NOS1AP: variants seen among roughly 807,000 people sequenced by gnomAD.
NOS1AP encodes the protein carboxyl-terminal PDZ ligand of neuronal nitric oxide synthase protein.
In NOS1AP, 21 loss-of-function variants were observed where a neutral mutation model predicts 56.2. That is an observed-to-expected ratio of 0.37 (90% CI 0.26 to 0.54). NOS1AP has a LOEUF of 0.54. Among genes scored for constraint, NOS1AP ranks in the 20% least tolerant of loss-of-function variants. The pLI is 0.84. For missense variants in NOS1AP, 522 were observed against 657.8 expected (o/e 0.79, Z 2.26); for synonymous variants, 270 against 274.6 (o/e 0.98, Z 0.17).
chr1:162,210,035 A>G (rs751561397), intron 2 of NOS1AP, among the ~76,000 whole-genome samples: 1 of 152,130 alleles, frequency 6.6e-6, no homozygotes, highest in Non-Finnish European at 1.5e-5. Flanking sequence ...AAAAATGTAT[A>G]TATTTTTGTT....
chr1:162,314,187 C>G (rs546271773), intron 4 of NOS1AP, among the ~76,000 whole-genome samples: 1 of 152,320 alleles, frequency 6.6e-6, no homozygotes, highest in Non-Finnish European at 1.5e-5. Flanking sequence ...AGGGTTATCA[C>G]AGCCCCCAGG....
intron 1 of NOS1AP, among the ~76,000 whole-genome samples, chr1:162,096,432 T>G (rs1436927673): frequency 2.6e-5 from 4 of 152,196 alleles, no homozygotes; most frequent in Non-Finnish European, 5.9e-5. Flanking sequence ...TTACAAAATA[T>G]TTCAGGCATA....
chr1:162,243,231 G>A (rs549724193), intron 2 of NOS1AP, among the ~76,000 whole-genome samples: 3 of 152,226 alleles, frequency 2.0e-5, no homozygotes, highest in East Asian at 1.9e-4. Flanking sequence ...GTGTAATGGC[G>A]GCAGCTGGAA....
At chr1:162,171,213 T>C (rs1166902808) in intron 2 of NOS1AP, among the ~76,000 whole-genome samples, 1 of 152,174 alleles carries the variant, frequency 6.6e-6, no homozygotes, top group Admixed American at 6.5e-5. Context: ...ATCAAGATCC[T>C]CATGCTCCTT....
At chr1:162,198,359 T>C (rs1651876173) in intron 2 of NOS1AP, among the ~76,000 whole-genome samples, 1 of 152,204 alleles carries the variant, frequency 6.6e-6, no homozygotes, top group African/African-American at 2.4e-5. Flanking sequence ...AGTCTGACTT[T>C]TTGTGATCTT....
Position 162,367,452 on chromosome 1 carries a change from T to C in NOS1AP, c.1506T>C (p.Asp502=), listed in dbSNP as rs754957943. The change falls in exon 10 of 10, where the codon GAT becomes GAC. Residue 502 remains aspartate (D), a synonymous_variant. Coordinates refer to ENST00000361897, the MANE Select transcript of NOS1AP (RefSeq NM_014697.3). The surrounding 1 kb of genome is among the most constrained non-coding windows in gnomAD (Gnocchi z 6.5). ...AGGAACTGGGCGACGGCCTGGATGA[T>C]GAGATCGCCGTGTAGGTGCCGAGGG... The part of the protein sequence containing the change: ...QRQELGDGLD[D]EIAV The C allele has an allele frequency of 6.4e-7, 1 of 1,562,904 alleles. No homozygotes were observed. The highest frequency in any genetic ancestry group is 2.3e-5 in the East Asian group (1 of 42,740).
intron 1 of NOS1AP, among the ~76,000 whole-genome samples, chr1:162,139,676 G>A (rs547673602): frequency 8.5e-5 from 13 of 152,200 alleles, no homozygotes; most frequent in South Asian, 2.1e-4. Context: ...TGAATCTTTC[G>A]CCACAAAACA....
In NOS1AP at chr1:162,153,970, C is replaced by CTTT. The variant is rs141108657; in HGVS notation, c.106-421_106-419dup. On this transcript the variant is annotated intron_variant, in intron 1 of 9. Transcript: ENST00000361897. ...CCATTAGTTAAAAAAGGTATATATT[C>CTTT]TTTTTTTTTTTTTTTTGAGAGCACT... Among the ~76,000 whole-genome samples the CTTT allele has an allele frequency of 5.0e-3, 691 of 138,854 alleles. 7 individuals carry two copies. Among genetic ancestry groups the CTTT allele is most frequent in the African/African-American group, 0.017 (653 of 37,736 alleles). 91.1% of individuals were successfully genotyped at this position (138,854 alleles called of 152,430 possible). A position where few individuals can be genotyped will look rare whatever the true frequency, so the allele number is the denominator to read the frequency against.
intron 2 of NOS1AP, among the ~76,000 whole-genome samples, chr1:162,236,311 A>T (rs1274799807): frequency 1.3e-5 from 2 of 152,204 alleles, no homozygotes; most frequent in East Asian, 3.8e-4. Flanking sequence ...ACTAATAACA[A>T]AAACTACCAT....
At position 162,261,503 on chromosome 1, in the gene NOS1AP, A is replaced by AG. The variant is rs1329831328; in HGVS notation, c.178-25840dup. Among the ~76,000 whole-genome samples, 15 of 7,790 alleles carry AG rather than the reference A, an allele frequency of 1.9e-3. 2 individuals carry two copies. The highest frequency in any genetic ancestry group is 3.9e-3 in the East Asian group (2 of 510). The allele number at this position is 7,790 out of a possible 152,430, so 5.1% of individuals were successfully genotyped here. Reference sequence around the variant, plus strand: ...GAGAGAGAGAGAGAGAGAGAGAGAGAGAGAGAGAGAGAGAGAGAGAGAGAG... The same window carrying AG: ...GAGAGAGAGAGAGAGAGAGAGAGAGAGGAGAGAGAGAGAGAGAGAGAGAGAG... On this transcript the variant is annotated intron_variant, in intron 2 of 9. Transcript: ENST00000361897.
chr1:162,298,057 G>A (rs1224534793), intron 3 of NOS1AP, among the ~76,000 whole-genome samples: 2 of 152,194 alleles, frequency 1.3e-5, no homozygotes, highest in East Asian at 3.8e-4. Flanking sequence ...ACATAACAAG[G>A]CAGAAAACTG....
chr1:162,337,180 T>C (rs1656967773), intron 5 of NOS1AP, among the ~76,000 whole-genome samples: 2 of 152,204 alleles, frequency 1.3e-5, no homozygotes. Context: ...AATGCATCAG[T>C]GCGTGAAGTG....
At chr1:162,360,544 G>C in intron 8 of NOS1AP, 1 of 349,582 alleles carries the variant, frequency 2.9e-6, no homozygotes, top group South Asian at 2.2e-5. Context: ...TGTTAGTACA[G>C]TTCAGTATTG....
chr1:162,326,433 AC>A, intron 4 of NOS1AP, among the ~76,000 whole-genome samples: 1 of 152,290 alleles, frequency 6.6e-6, no homozygotes, highest in East Asian at 1.9e-4. Flanking sequence ...GTGAAACAGA[AC>A]CAATAGGATA....
chr1:162,136,891 T>C (rs1350080189), intron 1 of NOS1AP, among the ~76,000 whole-genome samples: 4 of 152,132 alleles, frequency 2.6e-5, no homozygotes, highest in Admixed American at 6.5e-5. Context: ...TAGAAAGAGG[T>C]GTAATACATC....
intron 2 of NOS1AP, among the ~76,000 whole-genome samples, chr1:162,177,480 G>T (rs1454618888): frequency 6.6e-6 from 1 of 152,098 alleles, no homozygotes; most frequent in Non-Finnish European, 1.5e-5. Context: ...TTCAGCCACT[G>T]GCATGAAGGG....
chr1:162,187,585 C>T (rs1651484869), intron 2 of NOS1AP, among the ~76,000 whole-genome samples: 1 of 152,148 alleles, frequency 6.6e-6, no homozygotes, highest in Non-Finnish European at 1.5e-5. Flanking sequence ...AAATTGACTC[C>T]TCCTGCCCTC....
At chr1:162,288,132 G>C (rs1190123408) in intron 3 of NOS1AP, among the ~76,000 whole-genome samples, 2 of 152,212 alleles carry the variant, frequency 1.3e-5, no homozygotes, top group Admixed American at 1.3e-4. Context: ...GGAAAGGCTA[G>C]ATTCGTATGG....
intron 1 of NOS1AP, among the ~76,000 whole-genome samples, chr1:162,104,322 C>T (rs932353445): frequency 2.6e-5 from 4 of 152,204 alleles, no homozygotes; most frequent in African/African-American, 4.8e-5. Flanking sequence ...TGGCCTTTCT[C>T]TCTGGCTGCC....
Sources: allele counts gnomAD v4.1 joint callset (sites outside exome capture counted in the v4.1 genomes callset), GRCh38; gene constraint gnomAD v4.1.1; non-coding constraint Gnocchi (gnomAD v3.1); transcripts MANE v1.5; gene names NCBI Gene and HGNC (gene_info 2026-07-23, HGNC 2026-07-21).